STK32B: variants seen among roughly 807,000 people sequenced by gnomAD.
STK32B encodes serine/threonine kinase 32B.
STK32B carries 43 observed loss-of-function variants against 52.6 expected under a neutral mutation model. The observed-to-expected ratio is 0.82, with a 90% CI of 0.64 to 1.05. The LOEUF (loss-of-function observed/expected upper bound fraction) is 1.05. Ranked by LOEUF, STK32B falls within the 50% of genes least tolerant of loss-of-function variation. The pLI is 0.00. For missense variants in STK32B, 621 were observed against 534.6 expected, an observed-to-expected ratio of 1.16 and a Z score of -1.59; for synonymous variants, 238 against 204.3, an observed-to-expected ratio of 1.17 and a Z score of -1.41.
At chr4:5,241,766 G>C (rs145767138) in intron 3 of STK32B, among the ~76,000 whole-genome samples, 5 of 151,804 alleles carry the variant, frequency 3.3e-5, no homozygotes, top group Middle Eastern at 3.2e-3. Context: ...GTGATGTTCC[G>C]CTTCCTGTGT....
intron 3 of STK32B, among the ~76,000 whole-genome samples, chr4:5,281,868 T>A (rs147853744): frequency 2.0e-4 from 30 of 152,344 alleles, no homozygotes; most frequent in African/African-American, 7.2e-4. Context: ...ATACCATTTA[T>A]TTAATTACAT....
intron 6 of STK32B, among the ~76,000 whole-genome samples, chr4:5,422,371 AGTTCCCAGAAT>A (rs1712716272): frequency 6.6e-6 from 1 of 152,210 alleles, no homozygotes; most frequent in Admixed American, 6.5e-5. Context: ...CCCAGTAACA[AGTTCCCAGAAT>A]GTTCCCAACA....
At chr4:5,397,066 C>A (rs536899833) in intron 4 of STK32B, among the ~76,000 whole-genome samples, 1 of 152,324 alleles carries the variant, frequency 6.6e-6, no homozygotes, top group Non-Finnish European at 1.5e-5. Context: ...TCTTTCATCC[C>A]CAAACCCGTA....
intron 11 of STK32B, among the ~76,000 whole-genome samples, chr4:5,471,040 G>A (rs1281675842): frequency 6.6e-6 from 1 of 152,192 alleles, no homozygotes; most frequent in Non-Finnish European, 1.5e-5. Context: ...AGTTGCTCCT[G>A]CAGAATATGC....
At chr4:5,310,182 A>G (rs1022606649) in intron 3 of STK32B, among the ~76,000 whole-genome samples, 1 of 152,130 alleles carries the variant, frequency 6.6e-6, no homozygotes, top group Non-Finnish European at 1.5e-5. Flanking sequence ...CAAAAAAGAG[A>G]AATAAGTTTA....
At chr4:5,136,569 G>A (rs1982348) in intron 1 of STK32B, among the ~76,000 whole-genome samples, 147,229 of 152,274 alleles carry the variant, frequency 0.97, 71,354 homozygotes, top group East Asian at 1. Flanking sequence ...AGAACTTCCC[G>A]TACTAAAACC....
At chr4:5,254,853 G>T (rs770054309) in intron 3 of STK32B, among the ~76,000 whole-genome samples, 2 of 152,004 alleles carry the variant, frequency 1.3e-5, no homozygotes, top group African/African-American at 2.4e-5. Context: ...TAAAGGATGA[G>T]ACTCATGAAA....
chr4:5,420,977 G>A (rs181400134), intron 6 of STK32B, among the ~76,000 whole-genome samples: 1 of 152,272 alleles, frequency 6.6e-6, no homozygotes, highest in Non-Finnish European at 1.5e-5. Flanking sequence ...TTGGCTCACT[G>A]CAACCTCTGC....
At chr4:5,108,389 G>A (rs1714221793) in intron 1 of STK32B, among the ~76,000 whole-genome samples, 1 of 152,092 alleles carries the variant, frequency 6.6e-6, no homozygotes, top group Non-Finnish European at 1.5e-5. Flanking sequence ...GAATTGCCAG[G>A]TCACGTGTAA....
intron 2 of STK32B, among the ~76,000 whole-genome samples, chr4:5,155,497 A>G (rs1717748087): frequency 6.6e-6 from 1 of 152,168 alleles, no homozygotes; most frequent in Non-Finnish European, 1.5e-5. Context: ...TTATAGAGAC[A>G]CACATATGTA....
intron 1 of STK32B, among the ~76,000 whole-genome samples, chr4:5,102,084 T>TAAGG (rs1477659947): frequency 6.6e-6 from 1 of 152,176 alleles, no homozygotes; most frequent in Non-Finnish European, 1.5e-5. Context: ...AGCCCAGAGA[T>TAAGG]AAGGAGTGAA....
At chr4:5,496,867 G>T (rs540644330) in intron 11 of STK32B, among the ~76,000 whole-genome samples, 3 of 151,874 alleles carry the variant, frequency 2.0e-5, no homozygotes, top group Admixed American at 1.3e-4. Flanking sequence ...TGGTTTGCAA[G>T]TGTTCTTCAT....
the STK32B span, among the ~76,000 whole-genome samples, chr4:5,043,856 G>A: frequency 6.6e-6 from 1 of 152,222 alleles, no homozygotes; most frequent in Non-Finnish European, 1.5e-5. Flanking sequence ...GTCTTCTCGG[G>A]CTCCCAGCCC....
At chr4:5,383,273 C>T (rs1272880023) in intron 4 of STK32B, among the ~76,000 whole-genome samples, 1 of 152,140 alleles carries the variant, frequency 6.6e-6, no homozygotes, top group Non-Finnish European at 1.5e-5. Flanking sequence ...AGGTGATGCT[C>T]CTGCCCTCCC....
intron 3 of STK32B, among the ~76,000 whole-genome samples, chr4:5,184,262 A>G (rs1720570811): frequency 6.6e-6 from 1 of 152,126 alleles, no homozygotes; most frequent in African/African-American, 2.4e-5. Context: ...GCCTAATTTC[A>G]GTATTGTTGT....
chr4:5,128,247 G>A (rs1265434335), intron 1 of STK32B, among the ~76,000 whole-genome samples: 1 of 152,234 alleles, frequency 6.6e-6, no homozygotes, highest in Admixed American at 6.5e-5. Flanking sequence ...TTTAAGCCAT[G>A]TAATTGGTGG....
At chr4:5,090,277 T>G (rs1388344918) in intron 1 of STK32B, among the ~76,000 whole-genome samples, 1 of 152,112 alleles carries the variant, frequency 6.6e-6, no homozygotes, top group Admixed American at 6.6e-5. Context: ...CATCATGAAG[T>G]CTTTGCCCAT....
chr4:5,321,773 G>T (rs762454069), intron 3 of STK32B, among the ~76,000 whole-genome samples: 5 of 152,134 alleles, frequency 3.3e-5, no homozygotes, highest in Non-Finnish European at 7.4e-5. Flanking sequence ...TGGACCTGAA[G>T]CCTGCCTTCA....
At chr4:5,331,414 A>C (rs1438573454) in intron 4 of STK32B, 21 bp downstream of exon 4, 2 of 1,597,016 alleles carry the variant, frequency 1.3e-6, no homozygotes, top group Non-Finnish European at 1.7e-6. Flanking sequence ...TGCTGGCGGG[A>C]TGCCTGGGAC....
Sources: allele counts gnomAD v4.1 joint callset (sites outside exome capture counted in the v4.1 genomes callset), GRCh38; gene constraint gnomAD v4.1.1; transcripts MANE v1.5; gene names NCBI Gene and HGNC (gene_info 2026-07-23, HGNC 2026-07-21).